C12orf54: variants seen among roughly 807,000 people sequenced by gnomAD.
The protein encoded by C12orf54 is chromosome 12 open reading frame 54.
In C12orf54, 24 loss-of-function variants were observed where a neutral mutation model predicts 26.4. The observed-to-expected ratio is 0.91, with a 90% CI of 0.66 to 1.28. C12orf54 has a LOEUF of 1.28. C12orf54 is among the 50% of genes most tolerant of loss of function. The probability of loss-of-function intolerance (pLI) is 0.00; values close to 1 mark genes in which losing one functional copy is unlikely to be tolerated. For missense variants in C12orf54, 154 were observed against 150.9 expected (o/e 1.02, Z -0.11); for synonymous variants, 54 against 47.0 (o/e 1.15, Z -0.61).
the C12orf54 span, among the ~76,000 whole-genome samples, chr12:48,454,579 T>C: frequency 6.6e-6 from 1 of 152,206 alleles, no homozygotes; most frequent in Non-Finnish European, 1.5e-5. Flanking sequence ...CTTTCTGTCC[T>C]CCTGCCCCTT....
At chr12:48,472,181 T>C in the C12orf54 span, among the ~76,000 whole-genome samples, 1 of 152,226 alleles carries the variant, frequency 6.6e-6, no homozygotes, top group Admixed American at 6.5e-5. Flanking sequence ...ACTAGTTTTG[T>C]ATATTGATTT....
At chr12:48,436,500 T>C in the C12orf54 span, among the ~76,000 whole-genome samples, 1 of 152,134 alleles carries the variant, frequency 6.6e-6, no homozygotes, top group African/African-American at 2.4e-5. Context: ...TTTGACCACA[T>C]AGTTGGAAGT....
At chr12:48,417,372 T>C in the C12orf54 span, 1 of 152,164 alleles carries the variant, frequency 6.6e-6, no homozygotes, top group Non-Finnish European at 1.5e-5. Flanking sequence ...ATAAAATAAA[T>C]GTTTTAAAAC....
At chr12:48,486,838 G>A (rs1565571210) in intron 4 of C12orf54, 112 bp downstream of exon 4, 7 of 1,097,588 alleles carry the variant, frequency 6.4e-6, no homozygotes, top group Non-Finnish European at 6.8e-6. Context: ...TTGATTGACG[G>A]TGAAGGATCA....
chr12:48,433,458 G>A, the C12orf54 span, among the ~76,000 whole-genome samples: 2 of 110,342 alleles, frequency 1.8e-5, no homozygotes, highest in African/African-American at 7.6e-5. Flanking sequence ...TTTTTTTTGG[G>A]GGGGGGGGGG....
chr12:48,487,225 C>T (rs2137089343), intron 4 of C12orf54, among the ~76,000 whole-genome samples: 1 of 152,326 alleles, frequency 6.6e-6, no homozygotes, highest in African/African-American at 2.4e-5. Flanking sequence ...ATACCAGCTA[C>T]TTCAACATCC....
At chr12:48,455,943 T>C in the C12orf54 span, among the ~76,000 whole-genome samples, 1 of 152,190 alleles carries the variant, frequency 6.6e-6, no homozygotes, top group Non-Finnish European at 1.5e-5. Context: ...TGATAATAAT[T>C]AAAAAATAAC....
At chr12:48,482,400 T>A (rs189831230), upstream of C12orf54, 1 of 152,296 alleles carries the variant, frequency 6.6e-6, no homozygotes, top group East Asian at 1.9e-4. Flanking sequence ...TGGAGCCTAG[T>A]GTGTGGCTGG....
At chr12:48,430,451 C>G in the C12orf54 span, among the ~76,000 whole-genome samples, 1 of 150,782 alleles carries the variant, frequency 6.6e-6, no homozygotes, top group Non-Finnish European at 1.5e-5. Context: ...CTCAAATCAG[C>G]AAGAAAAAAA....
At chr12:48,493,076 C>A in intron 7 of C12orf54, 81 bp downstream of exon 7, 3 of 1,313,464 alleles carry the variant, frequency 2.3e-6, no homozygotes, top group Non-Finnish European at 3.3e-6. Flanking sequence ...ATATAGCTAG[C>A]TCTGAGCCTT....
At chr12:48,467,020 C>T in the C12orf54 span, among the ~76,000 whole-genome samples, 1 of 152,106 alleles carries the variant, frequency 6.6e-6, no homozygotes, top group Non-Finnish European at 1.5e-5. Context: ...GATGTTCACT[C>T]AGAACCTGTA....
the C12orf54 span, among the ~76,000 whole-genome samples, chr12:48,414,852 C>T: frequency 6.6e-6 from 1 of 152,142 alleles, no homozygotes; most frequent in African/African-American, 2.4e-5. Context: ...GGGGCCTCCT[C>T]AGGTTTGGCA....
At chr12:48,413,648 G>A in the C12orf54 span, among the ~76,000 whole-genome samples, 1 of 152,168 alleles carries the variant, frequency 6.6e-6, no homozygotes, top group African/African-American at 2.4e-5. Flanking sequence ...GTCTCCCTGA[G>A]TAAATCTTTG....
the C12orf54 span, among the ~76,000 whole-genome samples, chr12:48,433,614 A>T: frequency 6.6e-6 from 1 of 151,888 alleles, no homozygotes; most frequent in Non-Finnish European, 1.5e-5. Flanking sequence ...CCCCTGGCTA[A>T]TTTTTTGTAT....
chr12:48,430,424 C>T, the C12orf54 span, among the ~76,000 whole-genome samples: 51 of 152,200 alleles, frequency 3.4e-4, no homozygotes, highest in African/African-American at 1.1e-3. Flanking sequence ...GGGCTAATAT[C>T]CAGAATCTAC....
At chr12:48,414,839 C>A in the C12orf54 span, among the ~76,000 whole-genome samples, 2 of 152,130 alleles carry the variant, frequency 1.3e-5, no homozygotes, top group Non-Finnish European at 2.9e-5. Context: ...CAGGGACCAG[C>A]GTGGGGCCTC....
the C12orf54 span, among the ~76,000 whole-genome samples, chr12:48,421,512 C>CTTTTTTTTT: frequency 6.9e-5 from 3 of 43,476 alleles, no homozygotes; most frequent in African/African-American, 8.3e-5. Context: ...ATATCATGTG[C>CTTTTTTTTT]TTTTTTTTTT....
intron 8 of C12orf54, 121 bp downstream of exon 8, chr12:48,495,100 AGT>A: frequency 1.4e-6 from 1 of 715,248 alleles, no homozygotes; most frequent in Non-Finnish European, 2.3e-6. Flanking sequence ...AAGCAGGTGC[AGT>A]CATACAAGGG....
chr12:48,417,655 G>C, the C12orf54 span, among the ~76,000 whole-genome samples: 1 of 152,134 alleles, frequency 6.6e-6, no homozygotes, highest in South Asian at 2.1e-4. Context: ...TGATGTTAAG[G>C]TTTGGGGTAC....
Sources: allele counts gnomAD v4.1 joint callset (sites outside exome capture counted in the v4.1 genomes callset), GRCh38; gene constraint gnomAD v4.1.1; transcripts MANE v1.5; gene names NCBI Gene and HGNC (gene_info 2026-07-23, HGNC 2026-07-21).